Variants in APBB2 observed in about 807,000 individuals in gnomAD.
APBB2 encodes Fe65-like 1.
In APBB2, 38 loss-of-function variants were observed where a neutral mutation model predicts 82.5. That is an observed-to-expected ratio of 0.46 (90% CI 0.36 to 0.60). APBB2 has a LOEUF of 0.60. Among genes scored for constraint, APBB2 ranks in the 20% least tolerant of loss-of-function variants. APBB2 has a pLI of 0.00. For missense variants in APBB2, 772 were observed against 972.3 expected (o/e 0.79, Z 2.74); for synonymous variants, 341 against 368.2 (o/e 0.93, Z 0.85).
At chr4:40,834,600 C>G (rs935852213) in intron 12 of APBB2, among the ~76,000 whole-genome samples, 1 of 152,112 alleles carries the variant, frequency 6.6e-6, no homozygotes, top group African/African-American at 2.4e-5. Flanking sequence ...CCAACAGGGG[C>G]TTGGCGGATG....
intron 1 of APBB2, among the ~76,000 whole-genome samples, chr4:41,173,686 T>C (rs930754823): frequency 1.1e-4 from 16 of 152,194 alleles, no homozygotes; most frequent in African/African-American, 3.1e-4. Flanking sequence ...TGTGTTACAA[T>C]TGCCTACAGA....
At chr4:40,871,247 C>T (rs1442931964) in intron 12 of APBB2, among the ~76,000 whole-genome samples, 7 of 152,162 alleles carry the variant, frequency 4.6e-5, no homozygotes, top group South Asian at 2.1e-4. Flanking sequence ...GTTCAAGTGG[C>T]GATCCTCCCG....
intron 6 of APBB2, among the ~76,000 whole-genome samples, chr4:40,999,354 G>A (rs1462558647): frequency 6.6e-6 from 1 of 152,164 alleles, no homozygotes; most frequent in Non-Finnish European, 1.5e-5. Context: ...GAAGTGGGAG[G>A]ACCATTTGAG....
At chr4:40,831,104 A>T (rs1184627092) in intron 12 of APBB2, among the ~76,000 whole-genome samples, 1 of 152,138 alleles carries the variant, frequency 6.6e-6, no homozygotes, top group Admixed American at 6.5e-5. Flanking sequence ...GCCTCTAAAA[A>T]TTTTTTTAAA....
rs1160837303 is a variant in APBB2, at chr4:41,190,241, ATTTTTTTTTTT to A, written c.-417+24153_-417+24163del. On this transcript the variant is annotated intron_variant, in intron 1 of 17. Transcript: ENST00000508593. ...ATCAAAAGAATTTCCTACATAGGCT[ATTTTTTTTTTT>A]TTTTTTTTTTTTTTTTTGAGATGGA... Among the ~76,000 whole-genome samples the A allele has an allele frequency of 5.4e-4, 39 of 71,810 alleles. 1 individual carries two copies. The highest frequency in any genetic ancestry group is 1.6e-3 in the African/African-American group (28 of 17,508). The allele number at this position is 71,810 out of a possible 152,430, so 47.1% of individuals were successfully genotyped here.
chr4:41,131,820 A>G (rs998430570), intron 2 of APBB2, among the ~76,000 whole-genome samples: 3 of 152,114 alleles, frequency 2.0e-5, no homozygotes, highest in African/African-American at 4.8e-5. Context: ...CGGGTGGATC[A>G]CCTGAGGCCA....
intron 1 of APBB2, among the ~76,000 whole-genome samples, chr4:41,206,458 C>A (rs910172942): frequency 6.6e-6 from 1 of 152,196 alleles, no homozygotes; most frequent in African/African-American, 2.4e-5. Context: ...AAGGAAGGAA[C>A]AAATGAAGCC....
chr4:40,817,603 G>A (rs1746222451), intron 17 of APBB2, among the ~76,000 whole-genome samples: 3 of 151,784 alleles, frequency 2.0e-5, no homozygotes, highest in African/African-American at 7.3e-5. Flanking sequence ...GTAGGATTTT[G>A]GTATACTCAG....
chr4:40,825,514 T>C (rs1222520284), intron 15 of APBB2, among the ~76,000 whole-genome samples: 3 of 152,220 alleles, frequency 2.0e-5, no homozygotes, highest in African/African-American at 7.2e-5. Context: ...CACAGTCCTT[T>C]CTCCTGGCCC....
Position 41,111,945 on chromosome 4 carries a change from C to T in APBB2, c.-260-11195G>A, listed in dbSNP as rs575837280. On this transcript the variant is annotated intron_variant, in intron 2 of 17. Coordinates refer to ENST00000508593, the MANE Select transcript of APBB2 (RefSeq NM_004307.2). ...AATAAAAGGCAAACCAAATTAAGGGCAGATAGAAAAAAACCAGCAGGCACT... is the reference window on the plus strand; with the variant it reads ...AATAAAAGGCAAACCAAATTAAGGGTAGATAGAAAAAAACCAGCAGGCACT... Among the ~76,000 whole-genome samples the T allele has an allele frequency of 3.9e-5, 6 of 152,098 alleles. No individual in the cohort carries two copies. The South Asian group carries it at 1.0e-3, about 26-fold the overall frequency.
At chr4:40,855,007 T>C (rs1056802997) in intron 12 of APBB2, among the ~76,000 whole-genome samples, 4 of 152,154 alleles carry the variant, frequency 2.6e-5, no homozygotes, top group African/African-American at 4.8e-5. Context: ...GAGATCAAAG[T>C]AAGCAAGTTC....
chr4:41,111,243 T>C (rs1223609986), intron 2 of APBB2, among the ~76,000 whole-genome samples: 1 of 152,254 alleles, frequency 6.6e-6, no homozygotes, highest in East Asian at 1.9e-4. Context: ...TGTGCAGCCC[T>C]GTTCCTAACA....
chr4:40,820,434 C>T (rs1031256586), intron 17 of APBB2, among the ~76,000 whole-genome samples: 1 of 152,050 alleles, frequency 6.6e-6, no homozygotes, highest in Non-Finnish European at 1.5e-5. Flanking sequence ...GAGGCTGAGG[C>T]GGGTGGATTA....
At chr4:41,212,935 T>C (rs1262650428) in intron 1 of APBB2, among the ~76,000 whole-genome samples, 2 of 152,174 alleles carry the variant, frequency 1.3e-5, no homozygotes, top group East Asian at 3.8e-4. Flanking sequence ...AAGCTACAAG[T>C]TGAAAACGAG....
chr4:40,817,638 C>A (rs899582086), intron 17 of APBB2, among the ~76,000 whole-genome samples: 1 of 152,076 alleles, frequency 6.6e-6, no homozygotes, highest in Admixed American at 6.5e-5. Flanking sequence ...CTCCACCCCG[C>A]CCCACGTATA....
At chr4:41,086,277 C>T (rs760469380) in intron 3 of APBB2, among the ~76,000 whole-genome samples, 1 of 152,124 alleles carries the variant, frequency 6.6e-6, no homozygotes, top group Non-Finnish European at 1.5e-5. Flanking sequence ...CTCAACTCCT[C>T]CAAAGAAATG....
intron 10 of APBB2, among the ~76,000 whole-genome samples, chr4:40,928,425 CACAA>C (rs1337015815): frequency 1.7e-5 from 1 of 59,066 alleles, no homozygotes; most frequent in Non-Finnish European, 3.5e-5. Context: ...CACACACACA[CACAA>C]TCAGCCAGGT....
intron 10 of APBB2, among the ~76,000 whole-genome samples, chr4:40,904,003 ATGTTTTGTG>A (rs1378614832): frequency 6.6e-6 from 1 of 152,146 alleles, no homozygotes; most frequent in East Asian, 1.9e-4. Flanking sequence ...TTGATAGCGC[ATGTTTTGTG>A]ATATTTCCCT....
chr4:41,108,425 G>A (rs1219056903), intron 2 of APBB2, among the ~76,000 whole-genome samples: 1 of 152,046 alleles, frequency 6.6e-6, no homozygotes, highest in African/African-American at 2.4e-5. Flanking sequence ...TCTCAGTTGG[G>A]AGGAAGAACG....
Sources: allele counts gnomAD v4.1 joint callset (sites outside exome capture counted in the v4.1 genomes callset), GRCh38; gene constraint gnomAD v4.1.1; transcripts MANE v1.5; gene names NCBI Gene and HGNC (gene_info 2026-07-23, HGNC 2026-07-21).